The following FTO variants were observed in gnomAD, a reference collection of about 807,000 sequenced individuals.
The protein encoded by FTO is FTO alpha-ketoglutarate dependent dioxygenase.
FTO carries 47 observed loss-of-function variants against 63.9 expected under a neutral mutation model. The ratio of observed to expected loss-of-function variants is 0.74; its 90% CI spans 0.58 to 0.94. The LOEUF is 0.94. Ranked by LOEUF, FTO falls within the 40% of genes least tolerant of loss-of-function variation. The probability of loss-of-function intolerance (pLI) is 0.00; values close to 1 mark genes in which losing one functional copy is unlikely to be tolerated. For synonymous variants in FTO, 207 were observed against 224.4 expected (o/e 0.92, Z 0.69); for missense variants, 562 against 618.1 (o/e 0.91, Z 0.96).
Position 53,869,269 on chromosome 16 carries a change from C to CT in FTO, c.896-4508dup, listed in dbSNP as rs200419658. 3.3e-3 allele frequency among the ~76,000 whole-genome samples: 498 copies of CT among 150,930 alleles called. 3 individuals carry two copies. The highest frequency in any genetic ancestry group is 0.011 in the African/African-American group (463 of 41,124). ...TCGTTTCTGAGGAAACGTCAGATAG[C>CT]TTTTTTTTTGCTCCGTTATAGATAA... On this transcript the variant is annotated intron_variant, in intron 4 of 8. Transcript: ENST00000471389.
intron 8 of FTO, among the ~76,000 whole-genome samples, chr16:54,007,420 G>A (rs926557631): frequency 6.6e-6 from 1 of 152,192 alleles, no homozygotes; most frequent in Non-Finnish European, 1.5e-5. Flanking sequence ...CCACTTACTA[G>A]ATCTGAGACC....
At chr16:53,867,529 T>TGTGTG (rs1598864565) in intron 4 of FTO, among the ~76,000 whole-genome samples, 52 of 133,106 alleles carry the variant, frequency 3.9e-4, no homozygotes, top group Middle Eastern at 7.7e-3. Context: ...GTGTGTGTGT[T>TGTGTG]TGTGTGTACC....
chr16:53,735,578 A>C (rs2076374422), intron 1 of FTO, among the ~76,000 whole-genome samples: 1 of 152,224 alleles, frequency 6.6e-6, no homozygotes, highest in South Asian at 2.1e-4. Context: ...AAATCCAAGC[A>C]AAAACAAATC....
intron 4 of FTO, among the ~76,000 whole-genome samples, chr16:53,855,544 C>CTT (rs147009430): frequency 5.2e-4 from 76 of 147,292 alleles, no homozygotes; most frequent in African/African-American, 1.8e-3. Flanking sequence ...CAAGAACTGG[C>CTT]TTTTTTTTTT....
chr16:53,975,277 A>T (rs185348193), intron 8 of FTO, among the ~76,000 whole-genome samples: 16 of 152,106 alleles, frequency 1.1e-4, no homozygotes, highest in African/African-American at 3.6e-4. Flanking sequence ...TTCATAACAA[A>T]TTTAAACCTA....
At chr16:53,859,197 A>T (rs2080098521) in intron 4 of FTO, among the ~76,000 whole-genome samples, 1 of 152,118 alleles carries the variant, frequency 6.6e-6, no homozygotes, top group South Asian at 2.1e-4. Context: ...GTTCCACTAA[A>T]CTGTGAAGAC....
intron 8 of FTO, among the ~76,000 whole-genome samples, chr16:54,083,834 C>G (rs1162143965): frequency 6.6e-6 from 1 of 152,116 alleles, no homozygotes; most frequent in Admixed American, 6.6e-5. Context: ...TCTTTTGTTC[C>G]TCTGGTGGAA....
chr16:53,833,881 G>T (rs1355931734), intron 3 of FTO, among the ~76,000 whole-genome samples: 5 of 152,100 alleles, frequency 3.3e-5, no homozygotes, highest in African/African-American at 1.2e-4. Flanking sequence ...CTTCTTTGGA[G>T]ACATGTCTAT....
intron 8 of FTO, chr16:53,993,735 A>G (rs1160659046): frequency 5.3e-5 from 8 of 152,132 alleles, no homozygotes; most frequent in African/African-American, 1.4e-4. Context: ...TATTTGGAAA[A>G]TGGGGTGATG....
At chr16:54,077,143 G>A (rs1316318558) in intron 8 of FTO, among the ~76,000 whole-genome samples, 1 of 152,178 alleles carries the variant, frequency 6.6e-6, no homozygotes, top group African/African-American at 2.4e-5. Flanking sequence ...GATTTAGTGG[G>A]ATATGAAAAG....
intron 3 of FTO, among the ~76,000 whole-genome samples, chr16:53,830,616 G>A (rs981805307): frequency 7.2e-5 from 11 of 152,156 alleles, no homozygotes; most frequent in Admixed American, 2.6e-4. Context: ...AGCCAGGAAG[G>A]CAGCTGGGCG....
At chr16:54,027,268 C>G (rs2084733871) in intron 8 of FTO, among the ~76,000 whole-genome samples, 1 of 152,180 alleles carries the variant, frequency 6.6e-6, no homozygotes, top group South Asian at 2.1e-4. Flanking sequence ...CAAACCCCAA[C>G]AAGCATAGCT....
intron 3 of FTO, among the ~76,000 whole-genome samples, chr16:53,833,897 T>C (rs944778776): frequency 6.6e-6 from 1 of 152,240 alleles, no homozygotes; most frequent in African/African-American, 2.4e-5. Flanking sequence ...TCTATTCAAG[T>C]TGTTTGCCCA....
At chr16:54,024,583 T>G (rs2084674804) in intron 8 of FTO, among the ~76,000 whole-genome samples, 1 of 152,182 alleles carries the variant, frequency 6.6e-6, no homozygotes, top group African/African-American at 2.4e-5. Context: ...GTATATAATT[T>G]TATCACAGTA....
intron 7 of FTO, among the ~76,000 whole-genome samples, chr16:53,889,481 G>T (rs2081093784): frequency 6.6e-6 from 1 of 152,212 alleles, no homozygotes; most frequent in Non-Finnish European, 1.5e-5. Flanking sequence ...TGAACAAGGA[G>T]AGGGGCACGA....
chr16:53,969,088 G>T (rs2083259955), intron 8 of FTO, among the ~76,000 whole-genome samples: 1 of 152,182 alleles, frequency 6.6e-6, no homozygotes, highest in African/African-American at 2.4e-5. Context: ...GGGCAATGAA[G>T]CATTCTTATC....
chr16:53,789,828 ATG>A, intron 1 of FTO, among the ~76,000 whole-genome samples: 1 of 149,440 alleles, frequency 6.7e-6, no homozygotes, highest in Non-Finnish European at 1.5e-5. Context: ...AAACATGTAT[ATG>A]TATGTATATT....
intron 1 of FTO, among the ~76,000 whole-genome samples, chr16:53,797,326 G>C (rs1309685446): frequency 6.6e-6 from 1 of 152,172 alleles, no homozygotes; most frequent in Non-Finnish European, 1.5e-5. Flanking sequence ...CAAATGTATA[G>C]TGACATGTAC....
At chr16:53,889,366 A>G (rs1443299112) in intron 7 of FTO, among the ~76,000 whole-genome samples, 1 of 152,180 alleles carries the variant, frequency 6.6e-6, no homozygotes, top group African/African-American at 2.4e-5. Flanking sequence ...GGGGCAGGGA[A>G]ATGAAGGGCC....
Sources: gnomAD v4.1 joint callset for allele counts (sites outside exome capture counted in the v4.1 genomes callset) on GRCh38, gnomAD v4.1.1 for gene constraint, MANE v1.5 for transcripts, NCBI Gene and HGNC (gene_info 2026-07-23, HGNC 2026-07-21) for gene names.